Variants in ST3GAL6 observed in about 807,000 individuals in gnomAD.
ST3GAL6 encodes type 2 lactosamine alpha-2,3-sialyltransferase.
In ST3GAL6, 31 loss-of-function variants were observed where a neutral mutation model predicts 40.5. That is an observed-to-expected ratio of 0.77 (90% CI 0.58 to 1.03). ST3GAL6 has a LOEUF of 1.03. ST3GAL6 is among the 50% of genes least tolerant of loss of function. The pLI is 0.00. For synonymous variants in ST3GAL6, 129 were observed against 136.9 expected (o/e 0.94, Z 0.40); for missense variants, 357 against 393.2 (o/e 0.91, Z 0.78).
upstream of ST3GAL6, chr3:98,762,687 A>G: frequency 1.6e-6 from 1 of 606,296 alleles, no homozygotes; most frequent in Non-Finnish European, 2.1e-6. Flanking sequence ...TTTAAAAGAT[A>G]TTATTAAATG....
At chr3:98,774,128 C>A in intron 5 of ST3GAL6, 145 bp downstream of exon 5, 1 of 611,834 alleles carries the variant, frequency 1.6e-6, no homozygotes, top group Non-Finnish European at 2.9e-6. Flanking sequence ...AGTAATTTGA[C>A]ACTTAAATAC....
intron 1 of ST3GAL6, 33 bp downstream of exon 1, chr3:98,763,472 G>A (rs1413697278): frequency 7.8e-7 from 1 of 1,289,430 alleles, no homozygotes. Flanking sequence ...TGCTTAAGGG[G>A]AAGGTTGTGG....
At chr3:98,753,969 G>A (rs138858469) in intron 1 of ST3GAL6, among the ~76,000 whole-genome samples, 83 of 152,298 alleles carry the variant, frequency 5.4e-4, no homozygotes, top group African/African-American at 1.9e-3. Context: ...TGGTGGTGTT[G>A]TATGAGGAGT....
intron 9 of ST3GAL6, 104 bp downstream of exon 9, chr3:98,792,097 C>T (rs1318246717): frequency 1.1e-5 from 13 of 1,165,628 alleles, no homozygotes; most frequent in Middle Eastern, 2.3e-4. Flanking sequence ...TGAGGGACCA[C>T]GTTTTGAAGG....
At chr3:98,744,266 G>A (rs558993401) in intron 1 of ST3GAL6, among the ~76,000 whole-genome samples, 13 of 152,144 alleles carry the variant, frequency 8.5e-5, no homozygotes, top group Non-Finnish European at 1.6e-4. Flanking sequence ...AGTAAATATC[G>A]GTTGTTCTAA....
At chr3:98,742,982 A>G (rs113400027) in intron 1 of ST3GAL6, among the ~76,000 whole-genome samples, 124 of 147,746 alleles carry the variant, frequency 8.4e-4, no homozygotes, top group African/African-American at 3.0e-3. Flanking sequence ...TTACAGGCAT[A>G]AGCCACCATG....
rs1377498438 is a variant in ST3GAL6, at chr3:98,788,143, C to T, written c.539C>T (p.Pro180Leu). Residue 180 changes from proline to leucine, a missense_variant, in exon 7 of 10, where the codon CCT becomes CTT. Coordinates refer to ENST00000483910, the MANE Select transcript of ST3GAL6 (RefSeq NM_001323368.2). Reference protein sequence around the residue: ...SVFSDPIHNDPNTTVILTAFK... With the variant: ...SVFSDPIHNDLNTTVILTAFK... ...TTTTCAGATCCTATTCACAATGACC[C>T]TAATACGACAGTGATTCTCACTGCT... 2.5e-6 allele frequency: 4 copies of T among 1,613,976 alleles called. No homozygotes were observed. Among genetic ancestry groups the T allele is most frequent in the African/African-American group, 1.3e-5 (1 of 75,018 alleles).
Position 98,794,152 on chromosome 3 carries a change from T to G in ST3GAL6, c.*391T>G, listed in dbSNP as rs1028386232. 3 of 153,216 alleles carry G rather than the reference T, an allele frequency of 2.0e-5. No homozygotes were observed. Among genetic ancestry groups the G allele is most frequent in the African/African-American group, 7.2e-5 (3 of 41,478 alleles). 9.5% of individuals were successfully genotyped at this position (153,216 alleles called of 1,614,324 possible). ...GATATTTGGCTACTGTAAACATGGC[T>G]GGTGGAAAATCACGATTGTGGCTTG... On this transcript the variant is annotated 3_prime_UTR_variant, in exon 10 of 10. Coordinates refer to ENST00000483910, the MANE Select transcript of ST3GAL6 (RefSeq NM_001323368.2).
intron 1 of ST3GAL6, among the ~76,000 whole-genome samples, chr3:98,748,610 G>A (rs542106604): frequency 1.3e-5 from 2 of 152,130 alleles, no homozygotes; most frequent in African/African-American, 2.4e-5. Context: ...AATTACAGGC[G>A]CCTGCCACCA....
chr3:98,785,301 T>C (rs1940590577), intron 6 of ST3GAL6, among the ~76,000 whole-genome samples: 1 of 152,200 alleles, frequency 6.6e-6, no homozygotes, highest in Non-Finnish European at 1.5e-5. Context: ...ACAATGTTTG[T>C]GCTCCCTGTG....
chr3:98,793,726 GAAA>G lies in ST3GAL6; in HGVS notation c.966_968del (p.Lys322del). On this transcript the variant is annotated inframe_deletion, in exon 10 of 10. Transcript: ENST00000483910. The stretch of plus-strand genomic sequence containing the variant: ...GCAGCTCTTTTTGAAGGACATTATA[GAAA>G]AAAACCTCGTAATCAACTTGACTCA... 6.2e-7 allele frequency: 1 copy of G among 1,602,760 alleles called. No homozygotes were observed. The highest frequency in any genetic ancestry group is 8.5e-7 in the Non-Finnish European group (1 of 1,175,320).
chr3:98,791,694 G>A (rs1941218934), intron 8 of ST3GAL6, 147 bp from the exon 9 acceptor site: 5 of 692,900 alleles, frequency 7.2e-6, no homozygotes, highest in Non-Finnish European at 9.8e-6. Context: ...ACTCTTTGGG[G>A]CTTGAGCCTT....
chr3:98,733,546 G>A (rs909593944), intron 1 of ST3GAL6: 2 of 985,686 alleles, frequency 2.0e-6, no homozygotes, highest in Non-Finnish European at 2.4e-6. Context: ...AATGGAACTA[G>A]ACCTAACAAA....
intron 5 of ST3GAL6, among the ~76,000 whole-genome samples, chr3:98,781,249 G>T (rs1237437466): frequency 4.6e-5 from 7 of 152,082 alleles, no homozygotes. Flanking sequence ...AACACTGCAT[G>T]TTCTCACTCA....
At chr3:98,785,338 T>C (rs1483827295) in intron 6 of ST3GAL6, among the ~76,000 whole-genome samples, 2 of 152,154 alleles carry the variant, frequency 1.3e-5, no homozygotes, top group African/African-American at 2.4e-5. Context: ...TAATTAAATA[T>C]ATAAAAATAA....
At chr3:98,755,719 A>T (rs953624988) in intron 1 of ST3GAL6, among the ~76,000 whole-genome samples, 3 of 152,142 alleles carry the variant, frequency 2.0e-5, no homozygotes, top group African/African-American at 7.2e-5. Flanking sequence ...TTAACGTCCT[A>T]AAGAGCATGC....
At chr3:98,766,982 AGGG>A (rs1938422334) in intron 1 of ST3GAL6, among the ~76,000 whole-genome samples, 3 of 152,236 alleles carry the variant, frequency 2.0e-5, no homozygotes, top group Non-Finnish European at 4.4e-5. Flanking sequence ...GACTCTTCAC[AGGG>A]ATTATGTATA....
Position 98,794,359 on chromosome 3 carries a change from A to G in ST3GAL6, c.*598A>G, listed in dbSNP as rs1370435975. The G allele has an allele frequency of 6.6e-6, 1 of 152,206 alleles. No homozygotes were observed. Among genetic ancestry groups the G allele is most frequent in the African/African-American group, 2.4e-5 (1 of 41,456 alleles). The allele number at this position is 152,206 out of a possible 1,614,324, so 9.4% of individuals were successfully genotyped here. On this transcript the variant is annotated 3_prime_UTR_variant, in exon 10 of 10. Transcript: ENST00000483910. ...GCTAAACATAAAGTTCTTATTAGAT[A>G]AGTAAATAACTAAAGAAAGAATACA...
chr3:98,788,464 G>A lies in ST3GAL6; in HGVS notation c.756+1G>A. On this transcript the variant is annotated splice_donor_variant, in intron 8 of 9. Coordinates refer to ENST00000483910, the MANE Select transcript of ST3GAL6 (RefSeq NM_001323368.2). LOFTEE classifies it high-confidence loss of function. ...TCCAAAAGTGTTTCCCAAAAATCAG[G>A]TATGTATTTATCTCTGCATGGTTTC... is the stretch of plus-strand genomic sequence containing the variant. 6.2e-7 allele frequency: 1 copy of A among 1,605,704 alleles called. No homozygotes were observed. The highest frequency in any genetic ancestry group is 8.5e-7 in the Non-Finnish European group (1 of 1,176,746).
Sources: allele counts gnomAD v4.1 joint callset (sites outside exome capture counted in the v4.1 genomes callset), GRCh38; gene constraint gnomAD v4.1.1; transcripts MANE v1.5; gene names NCBI Gene and HGNC (gene_info 2026-07-23, HGNC 2026-07-21).